FHOD3: variants seen among roughly 807,000 people sequenced by gnomAD.
The protein encoded by FHOD3 is FH1/FH2 domain-containing protein 3.
Under a neutral mutation model 173.0 loss-of-function variants are expected in FHOD3, and 90 were observed. That is an observed-to-expected ratio of 0.52 (90% CI 0.44 to 0.62). FHOD3 has a LOEUF of 0.62. FHOD3 is among the 20% of genes least tolerant of loss of function. FHOD3 has a pLI of 0.00. For missense variants in FHOD3, 1,945 were observed against 2,034.7 expected, an observed-to-expected ratio of 0.96 and a Z score of 0.85; for synonymous variants, 828 against 823.0, an observed-to-expected ratio of 1.01 and a Z score of -0.10.
chr18:36,611,191 C>T (rs1230644627), intron 8 of FHOD3, among the ~76,000 whole-genome samples: 1 of 152,244 alleles, frequency 6.6e-6, no homozygotes, highest in Non-Finnish European at 1.5e-5. Flanking sequence ...ATTGTTACAA[C>T]TCCAGTTGTT....
intron 15 of FHOD3, among the ~76,000 whole-genome samples, chr18:36,684,015 T>C (rs767467426): frequency 2.6e-5 from 4 of 152,190 alleles, no homozygotes; most frequent in Non-Finnish European, 5.9e-5. Context: ...AGAGCCAGGA[T>C]ATCAAGAGAG....
At position 36,779,439 on chromosome 18, in the gene FHOD3, C is replaced by T. The variant is rs1174188329; in HGVS notation, c.4787-9C>T. ...ATCCCTTTGGGTGTGACCTGCACCA[C>T]CACTGCAGTGCGAAGAACCCTGAAG... On this transcript the variant is annotated splice_polypyrimidine_tract_variant and intron_variant, in intron 28 of 28. Transcript: ENST00000590592. The T allele has an allele frequency of 5.6e-6, 9 of 1,614,046 alleles. No homozygotes were observed. The highest frequency in any genetic ancestry group is 6.8e-6 in the Non-Finnish European group (8 of 1,179,924).
At chr18:36,479,116 G>T (rs2053744878) in intron 3 of FHOD3, among the ~76,000 whole-genome samples, 1 of 152,098 alleles carries the variant, frequency 6.6e-6, no homozygotes, top group Non-Finnish European at 1.5e-5. Flanking sequence ...TCTTTGTTTT[G>T]TTCAGTTGTT....
At chr18:36,762,959 CGTT>C (rs2042950163) in intron 27 of FHOD3, among the ~76,000 whole-genome samples, 2 of 111,318 alleles carry the variant, frequency 1.8e-5, no homozygotes, top group African/African-American at 3.0e-5. Context: ...GTATTATATA[CGTT>C]ATATATGCGT....
chr18:36,374,491 G>T (rs1446033817), intron 3 of FHOD3, among the ~76,000 whole-genome samples: 2 of 152,288 alleles, frequency 1.3e-5, no homozygotes, highest in Non-Finnish European at 2.9e-5. Context: ...CTACATAAAG[G>T]TCACTGCTTC....
chr18:36,769,308 T>A lies in FHOD3; in HGVS notation c.4668T>A (p.Asn1556Lys). 1.2e-6 allele frequency: 2 copies of A among 1,614,174 alleles called. No homozygotes were observed. The highest frequency in any genetic ancestry group is 1.7e-6 in the Non-Finnish European group (2 of 1,180,034). The change falls in exon 28 of 29, where the codon AAT becomes AAA. Residue 1556 changes from asparagine (N) to lysine (K), a missense_variant. By Grantham distance (94) the Asn-to-Lys change is moderately conservative (BLOSUM62 0). Coordinates refer to ENST00000590592, the MANE Select transcript of FHOD3 (RefSeq NM_001281740.3). Reference protein sequence around the residue: ...SWTMGTDDSPNVTDDAADEIM... With the variant: ...SWTMGTDDSPKVTDDAADEIM... ...CTATGGGAACTGATGACTCGCCCAATGTCACAGATGATGCAGCTGATGAGA... is the reference window on the plus strand; with the variant it reads ...CTATGGGAACTGATGACTCGCCCAAAGTCACAGATGATGCAGCTGATGAGA...
At chr18:36,761,415 C>T (rs2042872070) in intron 27 of FHOD3, among the ~76,000 whole-genome samples, 1 of 152,168 alleles carries the variant, frequency 6.6e-6, no homozygotes. Context: ...GGCCTGATAA[C>T]CCATTGACCC....
Position 36,717,960 on chromosome 18 carries a change from G to A in FHOD3, c.2662G>A (p.Gly888Arg), listed in dbSNP as rs374688382. ...NRKSPDDEEK[G>R]DGEAGRTQQE... ...GAAGTCTCCGGATGATGAGGAGAAG[G>A]GGGATGGGGAGGCTGGGAGGACCCA... Residue 888 changes from glycine to arginine, a missense_variant, in exon 19 of 29, where the codon GGG (glycine) becomes AGG (arginine). Around this residue, in one of 5 missense-constraint regions of FHOD3, gnomAD observed 1,099 missense variants for 1,051.2 expected, o/e 1.05. Transcript: ENST00000590592. 4 of 1,614,052 alleles carry A rather than the reference G, an allele frequency of 2.5e-6. No individual in the cohort carries two copies. The highest frequency in any genetic ancestry group is 2.5e-6 in the Non-Finnish European group (3 of 1,179,978).
At chr18:36,452,050 C>T (rs577309778) in intron 3 of FHOD3, among the ~76,000 whole-genome samples, 1 of 152,268 alleles carries the variant, frequency 6.6e-6, no homozygotes, top group Non-Finnish European at 1.5e-5. Flanking sequence ...TCAAGCTGGG[C>T]TCCTGGGGAT....
chr18:36,328,283 C>T (rs2044778660), intron 1 of FHOD3, among the ~76,000 whole-genome samples: 1 of 152,068 alleles, frequency 6.6e-6, no homozygotes, highest in Non-Finnish European at 1.5e-5. Context: ...AGGAAGGACT[C>T]TGAAGACAGG....
chr18:36,513,817 A>AT (rs2055796646), intron 5 of FHOD3, among the ~76,000 whole-genome samples: 1 of 151,578 alleles, frequency 6.6e-6, no homozygotes, highest in South Asian at 2.1e-4. Flanking sequence ...TGTTTTGTTC[A>AT]TTTTGATAAA....
chr18:36,418,578 G>C (rs977293405), intron 3 of FHOD3, among the ~76,000 whole-genome samples: 5 of 152,114 alleles, frequency 3.3e-5, no homozygotes, highest in Non-Finnish European at 5.9e-5. Flanking sequence ...TTGCTACTCA[G>C]TTTTTCTTAT....
chr18:36,655,813 G>T (rs2036391333), intron 13 of FHOD3, among the ~76,000 whole-genome samples: 1 of 151,992 alleles, frequency 6.6e-6, no homozygotes, highest in Non-Finnish European at 1.5e-5. Context: ...AGTTAGTTTG[G>T]CTGAAATTGA....
intron 13 of FHOD3, among the ~76,000 whole-genome samples, chr18:36,657,207 C>T (rs139702038): frequency 4.5e-4 from 69 of 152,190 alleles, no homozygotes; most frequent in Admixed American, 1.6e-3. Flanking sequence ...GTTCGGTGGA[C>T]GGGGTGGGTC....
At chr18:36,440,987 A>G (rs2051112048) in intron 3 of FHOD3, among the ~76,000 whole-genome samples, 1 of 152,154 alleles carries the variant, frequency 6.6e-6, no homozygotes, top group South Asian at 2.1e-4. Flanking sequence ...GCACCCAGTT[A>G]CATGGTCTTA....
At chr18:36,680,286 A>G (rs1470735688) in intron 14 of FHOD3, among the ~76,000 whole-genome samples, 1 of 152,188 alleles carries the variant, frequency 6.6e-6, no homozygotes, top group Non-Finnish European at 1.5e-5. Flanking sequence ...GACTCATGGC[A>G]GTCTGTAATA....
At chr18:36,693,147 A>G (rs908910343) in intron 16 of FHOD3, 62 bp from the exon 17 acceptor site, 16 of 1,496,280 alleles carry the variant, frequency 1.1e-5, no homozygotes, top group Non-Finnish European at 1.4e-5. Context: ...TCATCCATAA[A>G]CAAGCATCAG....
At position 36,771,160 on chromosome 18, in the gene FHOD3, G is replaced by C. The variant is rs573025275; in HGVS notation, c.4786+1734G>C. ...CAGACAATACGTGTGTCTCCTGGAG[G>C]CTTGTTGGAATTGCAGATTTATGGG... On this transcript the variant is annotated intron_variant, in intron 28 of 28. Coordinates refer to ENST00000590592, the MANE Select transcript of FHOD3 (RefSeq NM_001281740.3). Among the ~76,000 whole-genome samples the C allele has an allele frequency of 1.3e-3, 200 of 152,308 alleles. 1 individual carries two copies. Among genetic ancestry groups the C allele is most frequent in the African/African-American group, 3.0e-3 (124 of 41,564 alleles).
At chr18:36,365,583 A>T (rs1226391749) in intron 2 of FHOD3, among the ~76,000 whole-genome samples, 1 of 152,156 alleles carries the variant, frequency 6.6e-6, no homozygotes, top group Admixed American at 6.5e-5. Context: ...TGAAAAAGTT[A>T]AAAAAGTTAG....
Sources: allele counts gnomAD v4.1 joint callset (sites outside exome capture counted in the v4.1 genomes callset), GRCh38; gene constraint gnomAD v4.1.1; regional missense constraint gnomAD v4.1.1; transcripts MANE v1.5; gene names NCBI Gene and HGNC (gene_info 2026-07-23, HGNC 2026-07-21).